Variants in CDH13 observed in about 807,000 individuals in gnomAD.
The protein encoded by CDH13 is cadherin 13.
Under a neutral mutation model 63.8 loss-of-function variants are expected in CDH13, and 24 were observed. That is an observed-to-expected ratio of 0.38 (90% CI 0.27 to 0.53). The LOEUF is 0.53. Ranked by LOEUF, CDH13 falls within the 20% of genes least tolerant of loss-of-function variation. The probability of loss-of-function intolerance (pLI) is 0.85; values close to 1 mark genes in which losing one functional copy is unlikely to be tolerated. For synonymous variants in CDH13, 503 were observed against 355.3 expected (o/e 1.42, Z -4.67); for missense variants, 1,049 against 903.1 (o/e 1.16, Z -2.07).
chr16:82,857,901 C>G (rs1188872468), intron 1 of CDH13, among the ~76,000 whole-genome samples: 2 of 152,128 alleles, frequency 1.3e-5, no homozygotes, highest in African/African-American at 4.8e-5. Flanking sequence ...CATATTGGGC[C>G]ACAGTGAAGG....
chr16:83,698,635 C>T (rs1034827481), intron 10 of CDH13, among the ~76,000 whole-genome samples: 3 of 152,196 alleles, frequency 2.0e-5, no homozygotes, highest in Admixed American at 6.5e-5. Flanking sequence ...GATGCTTAGC[C>T]CTAACTGATC....
chr16:82,760,738 T>C (rs1325899292), intron 1 of CDH13, among the ~76,000 whole-genome samples: 2 of 152,110 alleles, frequency 1.3e-5, no homozygotes, highest in African/African-American at 4.8e-5. Context: ...ACAAGAAGCA[T>C]GGTGCCAGCA....
At chr16:83,234,546 A>G (rs182066153) in intron 5 of CDH13, among the ~76,000 whole-genome samples, 1 of 152,292 alleles carries the variant, frequency 6.6e-6, no homozygotes, top group Admixed American at 6.5e-5. Flanking sequence ...AACTGATGCT[A>G]AACAACAACA....
intron 1 of CDH13, among the ~76,000 whole-genome samples, chr16:82,798,464 A>G (rs1339750831): frequency 1.3e-5 from 2 of 152,006 alleles, no homozygotes; most frequent in African/African-American, 4.8e-5. Flanking sequence ...GTGTGATTAG[A>G]CTTCTGGTTA....
At chr16:83,736,978 C>T (rs573803537) in intron 10 of CDH13, among the ~76,000 whole-genome samples, 61 of 152,266 alleles carry the variant, frequency 4.0e-4, no homozygotes, top group Non-Finnish European at 6.8e-4. Context: ...AATGTCAGTT[C>T]CATTGTTTGC....
intron 1 of CDH13, chr16:82,826,483 G>T (rs1233742691): frequency 1.3e-5 from 2 of 152,246 alleles, no homozygotes; most frequent in Middle Eastern, 3.4e-3. Flanking sequence ...AAATCGTGCA[G>T]TTCTGTACAT....
chr16:83,376,614 A>G (rs1248647926), intron 6 of CDH13, among the ~76,000 whole-genome samples: 2 of 152,192 alleles, frequency 1.3e-5, no homozygotes, highest in African/African-American at 2.4e-5. Context: ...AGATGCTAGC[A>G]TGATGACAAG....
intron 1 of CDH13, among the ~76,000 whole-genome samples, chr16:82,698,916 A>C (rs897821071): frequency 6.6e-6 from 1 of 151,838 alleles, no homozygotes; most frequent in Non-Finnish European, 1.5e-5. Context: ...TCCTTTTCTT[A>C]TTATCCTTTT....
chr16:83,466,621 C>G (rs1229954802), intron 6 of CDH13, among the ~76,000 whole-genome samples: 3 of 152,206 alleles, frequency 2.0e-5, no homozygotes, highest in Admixed American at 6.5e-5. Flanking sequence ...GTGTACAGCT[C>G]ATGTCCCATG....
At chr16:83,105,074 T>A in intron 3 of CDH13, among the ~76,000 whole-genome samples, 1 of 152,164 alleles carries the variant, frequency 6.6e-6, no homozygotes, top group East Asian at 1.9e-4. Context: ...TAGGTAAACG[T>A]GTGCCATGGC....
intron 11 of CDH13, among the ~76,000 whole-genome samples, chr16:83,768,447 C>G (rs1432797063): frequency 2.0e-5 from 3 of 152,104 alleles, no homozygotes; most frequent in African/African-American, 7.2e-5. Context: ...CAGGTTGCAG[C>G]AGAGAAACAG....
chr16:83,443,802 G>T (rs1282975583), intron 6 of CDH13, among the ~76,000 whole-genome samples: 1 of 146,476 alleles, frequency 6.8e-6, no homozygotes, highest in Non-Finnish European at 1.5e-5. Flanking sequence ...AGGCTTGGTG[G>T]CATGTGCCTG....
chr16:83,296,692 C>A lies in CDH13; in HGVS notation c.637-48170C>A, dbSNP rs556735010. On this transcript the variant is annotated intron_variant, in intron 5 of 13. Transcript: ENST00000567109. ...TGGGACACAGAGTTTTTATGACAGG[C>A]AGGGTTAATGATTTCATAATGGTGA... Among the ~76,000 whole-genome samples, 68 of 152,228 alleles carry A rather than the reference C, an allele frequency of 4.5e-4. 1 individual carries two copies. Among genetic ancestry groups the A allele is most frequent in the Admixed American group, 4.4e-3 (68 of 15,296 alleles).
intron 11 of CDH13, among the ~76,000 whole-genome samples, chr16:83,772,491 A>G (rs958373629): frequency 6.6e-6 from 1 of 152,230 alleles, no homozygotes; most frequent in Admixed American, 6.5e-5. Context: ...CCAATTACTT[A>G]TAACACTGAA....
At chr16:82,817,258 C>T (rs949914831) in intron 1 of CDH13, among the ~76,000 whole-genome samples, 7 of 152,088 alleles carry the variant, frequency 4.6e-5, no homozygotes, top group African/African-American at 1.7e-4. Context: ...TCCAGCCCTA[C>T]ACCCAGTGGC....
chr16:82,886,423 G>A lies in CDH13; in HGVS notation c.157+27950G>A, dbSNP rs765774457. On this transcript the variant is annotated intron_variant, in intron 2 of 13. Coordinates refer to ENST00000567109, the MANE Select transcript of CDH13 (RefSeq NM_001257.5). The stretch of plus-strand genomic sequence containing the variant: ...TATCACTGCAAACGTTTGCCATTTC[G>A]GTAGACAAACATGGGATGTTATTGC... 7.9e-5 allele frequency among the ~76,000 whole-genome samples: 12 copies of A among 152,038 alleles called. No individual in the cohort carries two copies. In the South Asian group the frequency reaches 1.2e-3, roughly 16 times the overall value.
At chr16:83,597,493 G>A (rs1045827794) in intron 7 of CDH13, among the ~76,000 whole-genome samples, 1 of 152,192 alleles carries the variant, frequency 6.6e-6, no homozygotes, top group African/African-American at 2.4e-5. Flanking sequence ...GTGTCCACTT[G>A]TATAGGAAAA....
chr16:82,700,709 GT>G (rs145058089), intron 1 of CDH13, among the ~76,000 whole-genome samples: 1,857 of 152,234 alleles, frequency 0.012, 14 homozygotes, highest in Non-Finnish European at 0.019. Context: ...TTCTCATCCT[GT>G]TTTGAGTCTC....
chr16:82,693,340 G>C (rs927988066), intron 1 of CDH13, among the ~76,000 whole-genome samples: 1 of 152,150 alleles, frequency 6.6e-6, no homozygotes, highest in Non-Finnish European at 1.5e-5. Context: ...GAAAGTCTAG[G>C]CTTGGGTATC....
Sources: gnomAD v4.1 joint callset for allele counts (sites outside exome capture counted in the v4.1 genomes callset) on GRCh38, gnomAD v4.1.1 for gene constraint, MANE v1.5 for transcripts, NCBI Gene and HGNC (gene_info 2026-07-23, HGNC 2026-07-21) for gene names.